THBS3: variants seen among roughly 807,000 people sequenced by gnomAD.
THBS3 encodes the protein thrombospondin 3, also known as thrombospondin-3.
In THBS3, 78 loss-of-function variants were observed where a neutral mutation model predicts 118.3. The observed-to-expected ratio is 0.66, with a 90% confidence interval of 0.55 to 0.80. The LOEUF is 0.80. Ranked by LOEUF, THBS3 falls within the 30% of genes least tolerant of loss-of-function variation. The pLI is 0.00. For synonymous variants in THBS3, 427 were observed against 475.3 expected (o/e 0.90, Z 1.32); for missense variants, 1,057 against 1,247.4 (o/e 0.85, Z 2.30).
chr1:155,206,522 A>C lies in THBS3; in HGVS notation c.80-116T>G. On this transcript the variant is annotated intron_variant, in intron 1 of 22. Transcript: ENST00000368378. This position sits in a 1 kb window ranked among gnomAD's most constrained non-coding sequence, Gnocchi z 4.2. ...ACCAGGCAGCGTTAGTCACCTCAAA[A>C]TTCAACCCTTGGCTGGGCATGGTGG... 3 of 892,124 alleles carry C rather than the reference A, an allele frequency of 3.4e-6. No homozygotes were observed. Among genetic ancestry groups the C allele is most frequent in the Non-Finnish European group, 5.2e-6 (3 of 574,432 alleles). The allele number at this position is 892,124 out of a possible 1,614,324, so 55.3% of individuals were successfully genotyped here.
At chr1:155,208,867 C>A (rs753621959), upstream of THBS3, 1 of 1,610,526 alleles carries the variant, frequency 6.2e-7, no homozygotes, top group South Asian at 1.1e-5. Context: ...GGCCCTGGAG[C>A]AGTACAGGCC....
At position 155,202,803 on chromosome 1, in the gene THBS3, C is replaced by G. The variant is rs1433287489; in HGVS notation, c.957+9G>C. 1 of 1,606,668 alleles carries G rather than the reference C, an allele frequency of 6.2e-7. No homozygotes were observed. The highest frequency in any genetic ancestry group is 8.5e-7 in the Non-Finnish European group (1 of 1,176,050). On this transcript the variant is annotated intron_variant, in intron 8 of 22. Coordinates refer to ENST00000368378, the MANE Select transcript of THBS3 (RefSeq NM_007112.5). The surrounding 1 kb of genome is among the most constrained non-coding windows in gnomAD (Gnocchi z 5.5). Reference sequence around the variant, plus strand: ...TTTCTGTACCCTTCTGGGCTCTGACCTCCCTCACCTCATTGATGTCACTGC... The same window carrying G: ...TTTCTGTACCCTTCTGGGCTCTGACGTCCCTCACCTCATTGATGTCACTGC...
At position 155,197,478 on chromosome 1, in the gene THBS3, G is replaced by C. The variant is rs41302117; in HGVS notation, c.2484C>G (p.Pro828=). 82 of 1,613,188 alleles carry C rather than the reference G, an allele frequency of 5.1e-5. No homozygotes were observed. The highest frequency in any genetic ancestry group is 6.4e-5 in the Non-Finnish European group (76 of 1,179,970). ...QATPFRAVAQ[P]GLQLKAVTSV... Reference sequence around the variant, plus strand: ...AGCTGGGGACCTTGAGCTGCAGCCCGGGCTGGGCAACCGCCCGGAAGGGTG... The same window carrying C: ...AGCTGGGGACCTTGAGCTGCAGCCCCGGCTGGGCAACCGCCCGGAAGGGTG... The change falls in exon 20 of 23, where the codon CCC becomes CCG. Residue 828 remains proline (P), a synonymous_variant. Transcript: ENST00000368378. This position sits in a 1 kb window ranked among gnomAD's most constrained non-coding sequence, Gnocchi z 5.0.
rs761767098 is a variant in THBS3 at position 155,203,242 on chromosome 1, C to G, written c.737G>C (p.Arg246Pro). Residue 246 changes from arginine (R) to proline (P), a missense_variant, in exon 6 of 23, where the codon CGG becomes CCG. Arg to Pro is a moderately radical substitution (Grantham distance 103). Around this residue, in one of 3 missense-constraint regions of THBS3, gnomAD observed 544 missense variants for 715.6 expected, o/e 0.76. Transcript: ENST00000368378. ...CCAAACCTGGTCTCGTATATCATCC[C>G]GCAGCTCCACCAGGATCTGGTTGAA... ...TLFNQILVEL[R>P]DDIRDQVKEM... The G allele has an allele frequency of 6.2e-7, 1 of 1,614,066 alleles. No individual in the cohort carries two copies. The highest frequency in any genetic ancestry group is 1.3e-5 in the African/African-American group (1 of 74,938).
Position 155,197,183 on chromosome 1 carries a change from G to C in THBS3, c.2530C>G (p.His844Asp). The change falls in exon 21 of 23, where the codon CAC (histidine) becomes GAC (aspartate). Residue 844 changes from histidine (H) to aspartate (D), a missense_variant. By Grantham distance (81) the His-to-Asp change is moderately conservative. This residue lies in a region of THBS3 where 307 missense variants were observed against 326.1 expected (regional missense o/e 0.94). Transcript: ENST00000368378. The surrounding 1 kb of genome is among the most constrained non-coding windows in gnomAD (Gnocchi z 5.0). Reference protein sequence around the residue: ...AVTSVSGPGEHLRNALWHTGH... With the variant: ...AVTSVSGPGEDLRNALWHTGH... ...GTATGCCACAGGGCATTTCGGAGGTGCTCACCTGGGCCAGACACTGATGTC... is the reference window on the plus strand; with the variant it reads ...GTATGCCACAGGGCATTTCGGAGGTCCTCACCTGGGCCAGACACTGATGTC... The C allele has an allele frequency of 1.2e-6, 2 of 1,614,158 alleles. No individual in the cohort carries two copies. Among genetic ancestry groups the C allele is most frequent in the Non-Finnish European group, 1.7e-6 (2 of 1,179,984 alleles).
chr1:155,206,857 A>G lies in THBS3; in HGVS notation c.80-451T>C, dbSNP rs1010555654. 2.0e-5 allele frequency among the ~76,000 whole-genome samples: 3 copies of G among 151,930 alleles called. No individual in the cohort carries two copies. Among genetic ancestry groups the G allele is most frequent in the Admixed American group, 6.6e-5 (1 of 15,264 alleles). The stretch of plus-strand genomic sequence containing the variant: ...AACTCCATCTCAAAAAGACAAAACG[A>G]AAACAAAAAAAAACCTCAACCCTTG... On this transcript the variant is annotated intron_variant, in intron 1 of 22. Transcript: ENST00000368378. This position sits in a 1 kb window ranked among gnomAD's most constrained non-coding sequence, Gnocchi z 4.2.
At position 155,203,241 on chromosome 1, in the gene THBS3, C is replaced by A. The variant is rs1435599524; in HGVS notation, c.738G>T (p.Arg246=). 2 of 1,614,090 alleles carry A rather than the reference C, an allele frequency of 1.2e-6. No individual in the cohort carries two copies. The highest frequency in any genetic ancestry group is 1.7e-6 in the Non-Finnish European group (2 of 1,180,048). The change falls in exon 6 of 23, where the codon CGG becomes CGT. Residue 246 remains arginine, a synonymous_variant. Transcript: ENST00000368378. ...TLFNQILVEL[R]DDIRDQVKEM... is the part of the protein sequence containing the mutation. ...CCCAAACCTGGTCTCGTATATCATC[C>A]CGCAGCTCCACCAGGATCTGGTTGA...
In THBS3 at chr1:155,197,675, G is replaced by A; in HGVS notation, c.2303-16C>T. 4.8e-6 allele frequency: 4 copies of A among 831,648 alleles called. No individual in the cohort carries two copies. The highest frequency in any genetic ancestry group is 5.9e-6 in the Non-Finnish European group (3 of 512,720). The allele number at this position is 831,648 out of a possible 1,614,324, so 51.5% of individuals were successfully genotyped here. ...GCCGTGTATCCTGGGGTGGGGGTGGGATAAAGGTCAGGGGCAGCAAAGCTA... is the reference window on the plus strand; with the variant it reads ...GCCGTGTATCCTGGGGTGGGGGTGGAATAAAGGTCAGGGGCAGCAAAGCTA... On this transcript the variant is annotated splice_polypyrimidine_tract_variant and intron_variant, in intron 19 of 22. Coordinates refer to ENST00000368378, the MANE Select transcript of THBS3 (RefSeq NM_007112.5). The surrounding 1 kb of genome is among the most constrained non-coding windows in gnomAD (Gnocchi z 5.0).
In THBS3 at chr1:155,200,988, G is replaced by A. The variant is rs771498502; in HGVS notation, c.1457C>T (p.Thr486Ile). The change falls in exon 13 of 23, where the codon ACA becomes ATA. Residue 486 changes from threonine to isoleucine, a missense_variant. Physicochemically the swap from Thr to Ile is moderately conservative, Grantham distance 89 (BLOSUM62 -1). Coordinates refer to ENST00000368378, the MANE Select transcript of THBS3 (RefSeq NM_007112.5). ...KHCKQDNCLLTPNSGQEDADN... is the reference protein window; with the variant it reads ...KHCKQDNCLLIPNSGQEDADN... The stretch of plus-strand genomic sequence containing the variant: ...AGCATCTTCCTGCCCAGAGTTGGGT[G>A]TCAAAAGGCAGTTGTCCTAAAGTTC... 9 of 1,614,170 alleles carry A rather than the reference G, an allele frequency of 5.6e-6. No homozygotes were observed. Among genetic ancestry groups the A allele is most frequent in the Non-Finnish European group, 7.6e-6 (9 of 1,180,014 alleles).
chr1:155,200,094 G>T lies in THBS3; in HGVS notation c.1728C>A (p.Asp576Glu). ...VDGDGIPNGL[D>E]NCPKVPNPLQ... Reference sequence around the variant, plus strand: ...GTGGGTTGGGGACTTTAGGGCAATTGTCCAATCCATTGGGGATGCCTAGAA... The same window carrying T: ...GTGGGTTGGGGACTTTAGGGCAATTTTCCAATCCATTGGGGATGCCTAGAA... The change falls in exon 15 of 23, where the codon GAC becomes GAA. Residue 576 changes from aspartate (D) to glutamate (E), a missense_variant. Physicochemically the swap from Asp to Glu is conservative, Grantham distance 45. Coordinates refer to ENST00000368378, the MANE Select transcript of THBS3 (RefSeq NM_007112.5). The T allele has an allele frequency of 6.3e-7, 1 of 1,579,420 alleles. No individual in the cohort carries two copies. The highest frequency in any genetic ancestry group is 8.6e-7 in the Non-Finnish European group (1 of 1,162,800).
At chr1:155,204,585 CAA>C (rs34989309) in intron 4 of THBS3, among the ~76,000 whole-genome samples, 9 of 137,854 alleles carry the variant, frequency 6.5e-5, no homozygotes, top group African/African-American at 1.1e-4. Flanking sequence ...ACTCCATCAC[CAA>C]AAAAAAAAAA....
At position 155,200,993 on chromosome 1, in the gene THBS3, A is replaced by G. The variant is rs763855318; in HGVS notation, c.1452T>C (p.Leu484=). 6.2e-6 allele frequency: 10 copies of G among 1,614,130 alleles called. No individual in the cohort carries two copies. In the South Asian group the frequency reaches 1.1e-4, roughly 18 times the overall value. ...NNKHCKQDNC[L]LTPNSGQEDA... ...CTTCCTGCCCAGAGTTGGGTGTCAA[A>G]AGGCAGTTGTCCTAAAGTTCAGGGG... Residue 484 remains leucine, a synonymous_variant, in exon 13 of 23, where the codon CTT becomes CTC. Transcript: ENST00000368378.
rs1269444629 is a variant in THBS3 at position 155,202,278 on chromosome 1, C to A, written c.1081G>T (p.Ala361Ser). 6.2e-7 allele frequency: 1 copy of A among 1,614,004 alleles called. No individual in the cohort carries two copies. The highest frequency in any genetic ancestry group is 1.1e-5 in the South Asian group (1 of 91,076). The change falls in exon 9 of 23, where the codon GCC (alanine) becomes TCC (serine). Residue 361 changes from alanine to serine, a missense_variant. Transcript: ENST00000368378. The surrounding 1 kb of genome is among the most constrained non-coding windows in gnomAD (Gnocchi z 5.5). ...AGTCTGACCTGTTTGCTGGCCCGGG[C>A]ATAGTCAATGCCCACACCAGACACC... Reference protein sequence around the residue: ...TQVSGVGIDYARASKQVCNDI... With the variant: ...TQVSGVGIDYSRASKQVCNDI...
At position 155,197,916 on chromosome 1, in the gene THBS3, C is replaced by T. The variant is rs140640141; in HGVS notation, c.2266G>A (p.Val756Ile). ...CCAGGGTCACTGTTCATGGTCTGAA[C>T]GATTTCCATGCCCTGGGGTTGTATA... ...WVVLNQGMEI[V>I]QTMNSDPGLA... The change falls in exon 19 of 23, where the codon GTT (valine) becomes ATT (isoleucine). Residue 756 changes from valine (V) to isoleucine (I), a missense_variant. Around this residue, in one of 3 missense-constraint regions of THBS3, gnomAD observed 307 missense variants for 326.1 expected, o/e 0.94. Coordinates refer to ENST00000368378, the MANE Select transcript of THBS3 (RefSeq NM_007112.5). The surrounding 1 kb of genome is among the most constrained non-coding windows in gnomAD (Gnocchi z 5.0). 100 of 1,613,984 alleles carry T rather than the reference C, an allele frequency of 6.2e-5. No individual in the cohort carries two copies. The highest frequency in any genetic ancestry group is 8.1e-5 in the Non-Finnish European group (96 of 1,179,984).
Position 155,203,157 on chromosome 1 carries a change from A to C in THBS3, c.757-20T>G, listed in dbSNP as rs144612465. On this transcript the variant is annotated intron_variant, in intron 6 of 22. Coordinates refer to ENST00000368378, the MANE Select transcript of THBS3 (RefSeq NM_007112.5). ...CTTCACCTGGAGAAGGATGGGGAGG[A>C]GTCAGCACTTGACATCTGCCACCCT... 6.2e-7 allele frequency: 1 copy of C among 1,614,138 alleles called. No homozygotes were observed. The highest frequency in any genetic ancestry group is 2.2e-5 in the East Asian group (1 of 44,886).
In THBS3 at chr1:155,195,760, G is replaced by C. The variant is rs1253991766; in HGVS notation, c.*81C>G. ...GTCTGTGGTTGGCTGAGGGGCTGTA[G>C]CTTAGACCTCAGGGTCTCCAGGATG... On this transcript the variant is annotated 3_prime_UTR_variant, in exon 23 of 23. Transcript: ENST00000368378. The C allele has an allele frequency of 6.7e-7, 1 of 1,485,900 alleles. No homozygotes were observed. The highest frequency in any genetic ancestry group is 9.3e-7 in the Non-Finnish European group (1 of 1,078,880). 92.0% of individuals were successfully genotyped at this position (1,485,900 alleles called of 1,614,324 possible).
chr1:155,196,298 C>T, intron 21 of THBS3, 172 bp from the exon 22 acceptor site: 1 of 786,396 alleles, frequency 1.3e-6, no homozygotes, highest in South Asian at 1.8e-5. Context: ...GGGTGCTTTT[C>T]TCAGGCCTGG....
rs1297726116 is a variant in THBS3, at chr1:155,200,112, G to A, written c.1710C>T (p.Gly570=). 8 of 1,552,944 alleles carry A rather than the reference G, an allele frequency of 5.2e-6. No individual in the cohort carries two copies. The highest frequency in any genetic ancestry group is 3.5e-4 in the Middle Eastern group (2 of 5,776). ...GGCAATTGTCCAATCCATTGGGGAT[G>A]CCTAGAAGACATGGGTAGCACAAGG... ...DACDNDVDGD[G]IPNGLDNCPK... is the part of the protein sequence containing the mutation. The change falls in exon 15 of 23, where the codon GGC becomes GGT. Residue 570 remains glycine, a splice_region_variant and synonymous_variant. Coordinates refer to ENST00000368378, the MANE Select transcript of THBS3 (RefSeq NM_007112.5).
Position 155,197,500 on chromosome 1 carries a change from G to A in THBS3, c.2462C>T (p.Pro821Leu). The change falls in exon 20 of 23, where the codon CCC (proline) becomes CTC (leucine). Residue 821 changes from proline (P) to leucine (L), a missense_variant. By Grantham distance (98) the Pro-to-Leu change is moderately conservative. Coordinates refer to ENST00000368378, the MANE Select transcript of THBS3 (RefSeq NM_007112.5). This position sits in a 1 kb window ranked among gnomAD's most constrained non-coding sequence, Gnocchi z 5.0. ...CCCGGGCTGGGCAACCGCCCGGAAG[G>A]GTGTAGCCTGCCAGTAGGTCTGCTC... The part of the protein sequence containing the change: ...QTEQTYWQAT[P>L]FRAVAQPGLQ... 3 of 1,614,014 alleles carry A rather than the reference G, an allele frequency of 1.9e-6. No individual in the cohort carries two copies. Among genetic ancestry groups the A allele is most frequent in the Non-Finnish European group, 1.7e-6 (2 of 1,180,012 alleles).
Sources: allele counts gnomAD v4.1 joint callset (sites outside exome capture counted in the v4.1 genomes callset), GRCh38; gene constraint gnomAD v4.1.1; regional missense constraint gnomAD v4.1.1; non-coding constraint Gnocchi (gnomAD v3.1); transcripts MANE v1.5; gene names NCBI Gene and HGNC (gene_info 2026-07-23, HGNC 2026-07-21).